The following NLGN4X variants were observed in gnomAD, a reference collection of about 807,000 sequenced individuals.
NLGN4X encodes the protein neuroligin-4, X-linked.
Under a neutral mutation model 40.3 loss-of-function variants are expected in NLGN4X, and 3 were observed. The observed-to-expected ratio is 0.07, with a 90% CI of 0.03 to 0.19. The LOEUF (loss-of-function observed/expected upper bound fraction) is 0.19. NLGN4X is among the 10% of genes least tolerant of loss of function. The pLI, the probability that NLGN4X is intolerant of heterozygous loss-of-function variation, is 1.00. For synonymous variants in NLGN4X, 270 were observed against 306.8 expected, an observed-to-expected ratio of 0.88 and a Z score of 1.25; for missense variants, 382 against 708.3, an observed-to-expected ratio of 0.54 and a Z score of 5.23.
At chrX:6,098,283 A>G (rs2038828109) in intron 2 of NLGN4X, among the ~76,000 whole-genome samples, 1 of 112,224 alleles carries the variant, frequency 8.9e-6, no homozygotes, top group Non-Finnish European at 1.9e-5. Flanking sequence ...TGGGTGGCAG[A>G]GCGAGGCTCT....
intron 3 of NLGN4X, among the ~76,000 whole-genome samples, chrX:5,960,900 C>A (rs965312926): frequency 1.9e-4 from 21 of 112,174 alleles, no homozygotes; most frequent in African/African-American, 6.8e-4. Flanking sequence ...CCATAACTTA[C>A]AATATTTTTT....
chrX:6,070,302 A>T lies in NLGN4X; in HGVS notation c.473-40870T>A, dbSNP rs769922286. 2.5e-4 allele frequency among the ~76,000 whole-genome samples: 28 copies of T among 112,228 alleles called. No individual in the cohort carries two copies. The East Asian group carries it at 6.4e-3, about 26-fold the overall frequency. The stretch of plus-strand genomic sequence containing the variant: ...AACATCACCACCATCAACAAACAAA[A>T]ATGCATATAACACTTCAAAAAAGCA... On this transcript the variant is annotated intron_variant, in intron 2 of 5. Transcript: ENST00000381095.
chrX:5,926,857 TAGAG>T (rs1488287328), intron 3 of NLGN4X, among the ~76,000 whole-genome samples: 2 of 109,321 alleles, frequency 1.8e-5, no homozygotes, highest in African/African-American at 6.7e-5. Flanking sequence ...ATCATTTGTC[TAGAG>T]AGAGAGAATA....
chrX:6,201,496 A>G (rs1355092472), intron 1 of NLGN4X, among the ~76,000 whole-genome samples: 1 of 112,298 alleles, frequency 8.9e-6, no homozygotes, highest in African/African-American at 3.2e-5. Context: ...AAGATGAAGA[A>G]AGAATAGCTT....
At position 6,217,356 on chromosome X, in the gene NLGN4X, CAT is replaced by C. The variant is rs752605996; in HGVS notation, c.-306+11183_-306+11184del. On this transcript the variant is annotated intron_variant, in intron 1 of 5. Transcript: ENST00000381095. ...CATTTGATTGTGAAATGACTAGACA[CAT>C]AACTTCTTGTGTAATTTTAAGTTAA... Among the ~76,000 whole-genome samples the C allele has an allele frequency of 3.6e-5, 4 of 111,751 alleles. No homozygotes were observed. The East Asian group carries it at 1.1e-3, about 31-fold the overall frequency.
intron 2 of NLGN4X, among the ~76,000 whole-genome samples, chrX:6,042,747 A>G (rs776718636): frequency 1.2e-5 from 1 of 83,010 alleles, no homozygotes; most frequent in East Asian, 4.1e-4. Flanking sequence ...ACACGTACAC[A>G]TATCTATACA....
intron 5 of NLGN4X, among the ~76,000 whole-genome samples, chrX:5,898,792 G>A (rs2031674667): frequency 8.9e-6 from 1 of 112,230 alleles, no homozygotes; most frequent in Non-Finnish European, 1.9e-5. Context: ...TGTGTGCTCT[G>A]CAAAATGGCG....
chrX:5,967,468 G>A lies in NLGN4X; in HGVS notation c.626-58229C>T, dbSNP rs898509775. Among the ~76,000 whole-genome samples the A allele has an allele frequency of 1.1e-4, 12 of 110,915 alleles. No individual in the cohort carries two copies. The Admixed American group carries it at 1.2e-3, about 11-fold the overall frequency. ...CTGTCTGATTTTTCCTGCTGGTTCTGTAGCAGCACATGAGAGACCTCTTAT... is the reference window on the plus strand; with the variant it reads ...CTGTCTGATTTTTCCTGCTGGTTCTATAGCAGCACATGAGAGACCTCTTAT... On this transcript the variant is annotated intron_variant, in intron 3 of 5. Transcript: ENST00000381095.
chrX:5,986,615 G>A (rs943876732), intron 3 of NLGN4X, among the ~76,000 whole-genome samples: 1 of 111,635 alleles, frequency 9.0e-6, no homozygotes, highest in Admixed American at 9.6e-5. Context: ...TTAAAAACAT[G>A]GAAGGAAAAT....
chrX:6,091,755 A>G (rs2038645018), intron 2 of NLGN4X, among the ~76,000 whole-genome samples: 1 of 112,230 alleles, frequency 8.9e-6, no homozygotes, highest in African/African-American at 3.2e-5. Flanking sequence ...ATTACAGAGT[A>G]AGAGACAGCC....
At chrX:6,125,005 T>C (rs934281737) in intron 2 of NLGN4X, among the ~76,000 whole-genome samples, 6 of 111,900 alleles carry the variant, frequency 5.4e-5, no homozygotes, top group African/African-American at 2.0e-4. Context: ...ACTAAACATA[T>C]ACACACACAC....
chrX:5,990,509 G>A (rs2035652606), intron 3 of NLGN4X, among the ~76,000 whole-genome samples: 1 of 111,444 alleles, frequency 9.0e-6, no homozygotes, highest in African/African-American at 3.3e-5. Flanking sequence ...CTAATAATGA[G>A]GTATGTATGA....
chrX:6,001,572 G>A (rs373246778), intron 3 of NLGN4X, among the ~76,000 whole-genome samples: 313 of 111,794 alleles, frequency 2.8e-3, no homozygotes, highest in African/African-American at 9.7e-3. Flanking sequence ...GTTTTAGATC[G>A]GTGGGGTTTG....
Position 5,903,798 on chromosome X carries a change from C to T in NLGN4X, c.880G>A (p.Ala294Thr), listed in dbSNP as rs765460403. 8.3e-6 allele frequency: 10 copies of T among 1,211,865 alleles called. No individual in the cohort carries two copies. In the South Asian group the frequency reaches 1.8e-4, roughly 21 times the overall value. ...LSSWAVNYQPAKYTRILADKV... is the reference protein window; with the variant it reads ...LSSWAVNYQPTKYTRILADKV... The stretch of plus-strand genomic sequence containing the variant: ...TCTGCCAATATCCGAGTGTACTTGG[C>T]CGGCTGGTAGTTCACTGCCCAGCTG... The change falls in exon 5 of 6, where the codon GCC (alanine) becomes ACC (threonine). Residue 294 changes from alanine (A) to threonine (T), a missense_variant. Ala to Thr is a moderately conservative substitution (Grantham distance 58, BLOSUM62 0). Coordinates refer to ENST00000381095, the MANE Select transcript of NLGN4X (RefSeq NM_181332.3).
intron 3 of NLGN4X, among the ~76,000 whole-genome samples, chrX:5,932,620 T>C (rs180892651): frequency 2.1e-4 from 23 of 110,922 alleles, no homozygotes; most frequent in Non-Finnish European, 3.0e-4. Context: ...ATAGAATAAA[T>C]AATAGTAAAG....
chrX:5,903,499 G>C lies in NLGN4X; in HGVS notation c.1179C>G (p.Asn393Lys). ...IVDNEDGVTP[N>K]DFDFSVSNFV... is the part of the protein sequence containing the mutation. ...AGTTGGACACGGAGAAGTCAAAGTC[G>C]TTGGGCGTCACACCGTCCTCGTTAT... is the stretch of plus-strand genomic sequence containing the variant. Residue 393 changes from asparagine (N) to lysine (K), a missense_variant, in exon 5 of 6, where the codon AAC becomes AAG. Asn to Lys is a moderately conservative substitution (Grantham distance 94, BLOSUM62 0). Around this residue, in one of 5 missense-constraint regions of NLGN4X, gnomAD observed 149 missense variants for 375.8 expected, o/e 0.40. Transcript: ENST00000381095. 1 of 1,207,860 alleles carries C rather than the reference G, an allele frequency of 8.3e-7. No homozygotes were observed. The highest frequency in any genetic ancestry group is 1.1e-6 in the Non-Finnish European group (1 of 892,961).
At chrX:6,084,201 T>C (rs983532263) in intron 2 of NLGN4X, among the ~76,000 whole-genome samples, 1 of 112,415 alleles carries the variant, frequency 8.9e-6, no homozygotes, top group African/African-American at 3.2e-5. Flanking sequence ...GTTTTGGCAA[T>C]GTAGAAATCA....
chrX:5,965,096 G>A (rs1383730985), intron 3 of NLGN4X, among the ~76,000 whole-genome samples: 1 of 111,515 alleles, frequency 9.0e-6, no homozygotes, highest in African/African-American at 3.3e-5. Flanking sequence ...AGAAAAGCTG[G>A]GCATTCAGAG....
At chrX:5,913,449 A>G (rs1315213253) in intron 3 of NLGN4X, among the ~76,000 whole-genome samples, 1 of 111,463 alleles carries the variant, frequency 9.0e-6, no homozygotes, top group East Asian at 2.8e-4. Flanking sequence ...ATTGTCTAAA[A>G]CCAGAGATTT....
Sources: allele counts gnomAD v4.1 joint callset (sites outside exome capture counted in the v4.1 genomes callset), GRCh38; gene constraint gnomAD v4.1.1; regional missense constraint gnomAD v4.1.1; transcripts MANE v1.5; gene names NCBI Gene and HGNC (gene_info 2026-07-23, HGNC 2026-07-21).